CEP290: variants seen among roughly 807,000 people sequenced by gnomAD.
The protein encoded by CEP290 is centrosomal protein 290.
In CEP290, 317 loss-of-function variants were observed where a neutral mutation model predicts 344.9. The observed-to-expected ratio is 0.92, with a 90% CI of 0.84 to 1.01. The LOEUF (loss-of-function observed/expected upper bound fraction) is 1.01. CEP290 is among the 50% of genes least tolerant of loss of function. CEP290 has a pLI of 0.00. For synonymous variants in CEP290, 932 were observed against 895.8 expected, an observed-to-expected ratio of 1.04 and a Z score of -0.72; for missense variants, 2,754 against 2,761.4, an observed-to-expected ratio of 1.00 and a Z score of 0.06.
chr12:88,064,589 AC>A, intron 44 of CEP290, among the ~76,000 whole-genome samples: 1 of 152,226 alleles, frequency 6.6e-6, no homozygotes. Flanking sequence ...TTCAGGGTAA[AC>A]CCTATTCGAC....
chr12:88,140,832 T>C (rs778514936), intron 3 of CEP290, 124 bp downstream of exon 3: 5 of 614,282 alleles, frequency 8.1e-6, no homozygotes, highest in South Asian at 4.3e-5. Flanking sequence ...TTTAAATATA[T>C]TGCATTTTTT....
rs1171101171 is a variant in CEP290 at position 88,139,876 on chromosome 12, ATGCCATCATGCTTGGCG to A, written c.181-329_181-313del. Among the ~76,000 whole-genome samples the A allele has an allele frequency of 1.8e-4, 27 of 152,100 alleles. No individual in the cohort carries two copies. The South Asian group carries it at 3.3e-3, about 19-fold the overall frequency. On this transcript the variant is annotated intron_variant, in intron 3 of 53. Transcript: ENST00000552810. ...CCTGAGTAGCTGGGACTACAGGTGC[ATGCCATCATGCTTGGCG>A]TGCCATCATGCTTGGTGTGCCATCA... is the stretch of plus-strand genomic sequence containing the variant.
At chr12:88,080,488 A>G in intron 37 of CEP290, 93 bp from the exon 38 acceptor site, 1 of 897,636 alleles carries the variant, frequency 1.1e-6, no homozygotes, top group Non-Finnish European at 1.7e-6. Context: ...GGAGTGCAGC[A>G]GCGCAATCTC....
intron 23 of CEP290, 140 bp downstream of exon 23, chr12:88,108,926 G>A (rs1457301781): frequency 2.2e-6 from 1 of 452,376 alleles, no homozygotes; most frequent in Admixed American, 4.7e-5. Context: ...GTTCCTAACA[G>A]TAGTTACCAG....
intron 23 of CEP290, among the ~76,000 whole-genome samples, chr12:88,108,813 C>T (rs1171347500): frequency 6.6e-6 from 1 of 152,114 alleles, no homozygotes; most frequent in Non-Finnish European, 1.5e-5. Context: ...GGTAAGATGA[C>T]TTGCTCAAGC....
At position 88,141,302 on chromosome 12, in the gene CEP290, T is replaced by C; in HGVS notation, c.6A>G (p.Pro2=). 1 of 1,609,696 alleles carries C rather than the reference T, an allele frequency of 6.2e-7. No individual in the cohort carries two copies. Among genetic ancestry groups the C allele is most frequent in the Non-Finnish European group, 8.5e-7 (1 of 1,177,824 alleles). The part of the protein sequence containing the change: M[P]PNINWKEIMK... ...TTATTTCTTTCCAGTTTATATTAGGTGGCATCTTGAATTCTTTCACTGTGC... is the reference window on the plus strand; with the variant it reads ...TTATTTCTTTCCAGTTTATATTAGGCGGCATCTTGAATTCTTTCACTGTGC... The change falls in exon 2 of 54, where the codon CCA becomes CCG. Residue 2 remains proline (P), a synonymous_variant. Transcript: ENST00000552810.
intron 27 of CEP290, among the ~76,000 whole-genome samples, chr12:88,095,733 C>T (rs370839472): frequency 3.9e-5 from 6 of 152,054 alleles, no homozygotes; most frequent in Admixed American, 2.0e-4. Flanking sequence ...ATAGCTCTAA[C>T]GTCTAGGAAA....
Position 88,050,506 on chromosome 12 carries a change from C to T in CEP290, c.7130-73G>A, listed in dbSNP as rs114725040. 2.4e-3 allele frequency: 1,587 copies of T among 666,908 alleles called. 27 individuals carry two copies. In the African/African-American group the frequency reaches 0.027, roughly 11 times the overall value. The allele number at this position is 666,908 out of a possible 1,614,324, so 41.3% of individuals were successfully genotyped here. A position where few individuals can be genotyped will look rare whatever the true frequency, so the allele number is the denominator to read the frequency against. On this transcript the variant is annotated intron_variant, in intron 52 of 53. Transcript: ENST00000552810. ...ATGAGTTCAAGGTAATGGATTTGTT[C>T]TAGAGAACAGAGATACATTTTATGA... is the stretch of plus-strand genomic sequence containing the variant.
Position 88,117,053 on chromosome 12 carries a change from T to A in CEP290, c.1804A>T (p.Met602Leu). Residue 602 changes from methionine (M) to leucine (L), a missense_variant, in exon 18 of 54, where the codon ATG (methionine) becomes TTG (leucine). Coordinates refer to ENST00000552810, the MANE Select transcript of CEP290 (RefSeq NM_025114.4). ...RKLDLLSLKNMSEAQSKNEFL... is the reference protein window; with the variant it reads ...RKLDLLSLKNLSEAQSKNEFL... ...ATTACCTTTGATTGTGCTTCACTCA[T>A]ATTTTTGAGGCTCAATAAATCCAAT... 6.6e-7 allele frequency: 1 copy of A among 1,513,556 alleles called. No individual in the cohort carries two copies. The highest frequency in any genetic ancestry group is 1.2e-5 in the South Asian group (1 of 83,458). 93.8% of individuals were successfully genotyped at this position (1,513,556 alleles called of 1,614,324 possible).
chr12:88,051,194 C>CTT (rs11321423), intron 52 of CEP290, among the ~76,000 whole-genome samples: 18 of 86,428 alleles, frequency 2.1e-4, no homozygotes, highest in African/African-American at 5.1e-4. Flanking sequence ...GGACAAGTAT[C>CTT]TTTTTTTTTT....
chr12:88,049,608 CCAGTT>C (rs1373744364), intron 53 of CEP290, 194 bp from the exon 54 acceptor site: 13 of 460,848 alleles, frequency 2.8e-5, no homozygotes, highest in Admixed American at 4.2e-5. Context: ...ACTGTCAAGT[CCAGTT>C]ATGTATTCTG....
In CEP290 at chr12:88,087,919, T is replaced by G. The variant is rs2137251267; in HGVS notation, c.4055A>C (p.Glu1352Ala). 3 of 1,192,402 alleles carry G rather than the reference T, an allele frequency of 2.5e-6. No homozygotes were observed. The highest frequency in any genetic ancestry group is 3.2e-6 in the Non-Finnish European group (3 of 930,802). The allele number at this position is 1,192,402 out of a possible 1,614,324, so 73.9% of individuals were successfully genotyped here. A position where few individuals can be genotyped will look rare whatever the true frequency, so the allele number is the denominator to read the frequency against. ...TTTAAGTTCTTGAAGACGAAGTTCT[T>G]CTATTTTCATATGCCAGTTGATTAC... ...QKVINWHMKI[E>A]ELRLQELKLN... Residue 1352 changes from glutamate (E) to alanine (A), a missense_variant, in exon 32 of 54, where the codon GAA (glutamate) becomes GCA (alanine). Physicochemically the swap from Glu to Ala is moderately radical, Grantham distance 107. Coordinates refer to ENST00000552810, the MANE Select transcript of CEP290 (RefSeq NM_025114.4).
chr12:88,116,558 CATT>C (rs2039048380), intron 18 of CEP290, among the ~76,000 whole-genome samples: 1 of 152,162 alleles, frequency 6.6e-6, no homozygotes, highest in East Asian at 1.9e-4. Context: ...AATAATGTCT[CATT>C]AATCAATCTT....
intron 43 of CEP290, among the ~76,000 whole-genome samples, 159 bp from the exon 44 acceptor site, chr12:88,068,804 G>C (rs1166061513): frequency 1.3e-5 from 2 of 151,848 alleles, no homozygotes. Flanking sequence ...AATAAATTAG[G>C]ATATCAAAAT....
Position 88,049,398 on chromosome 12 carries a change from A to T in CEP290, c.7226T>A (p.Leu2409Gln). 1 of 1,486,376 alleles carries T rather than the reference A, an allele frequency of 6.7e-7. No individual in the cohort carries two copies. Among genetic ancestry groups the T allele is most frequent in the Non-Finnish European group, 9.2e-7 (1 of 1,084,766 alleles). 92.1% of individuals were successfully genotyped at this position (1,486,376 alleles called of 1,614,324 possible). A position where few individuals can be genotyped will look rare whatever the true frequency, so the allele number is the denominator to read the frequency against. ...KQHLKEEIKK[L>Q]KKELENFDPS... Reference sequence around the variant, plus strand: ...ATCAAAATTTTCCAGTTCTTTTTTCAGCTTCTTTATTTCCTCCTAATGGAA... The same window carrying T: ...ATCAAAATTTTCCAGTTCTTTTTTCTGCTTCTTTATTTCCTCCTAATGGAA... Residue 2409 changes from leucine to glutamine, a missense_variant, in exon 54 of 54, where the codon CTG becomes CAG. By Grantham distance (113) the Leu-to-Gln change is moderately radical. Transcript: ENST00000552810.
chr12:88,115,568 A>C (rs947593917), intron 18 of CEP290: 1 of 1,287,528 alleles, frequency 7.8e-7, no homozygotes, highest in African/African-American at 1.5e-5. Flanking sequence ...CTATGATTTC[A>C]TTCTAAAGAA....
chr12:88,096,806 T>C (rs2137421734), intron 27 of CEP290, 82 bp downstream of exon 27: 1 of 703,410 alleles, frequency 1.4e-6, no homozygotes, highest in South Asian at 2.1e-5. Context: ...CCTTTTAATC[T>C]AGCATAAAAA....
At chr12:88,075,927 A>G (rs1166717270) in intron 41 of CEP290, among the ~76,000 whole-genome samples, 1 of 152,182 alleles carries the variant, frequency 6.6e-6, no homozygotes, top group Non-Finnish European at 1.5e-5. Flanking sequence ...GAAACTGGCA[A>G]TACAGATAGT....
At chr12:88,052,840 C>A (rs1245254451) in intron 52 of CEP290, among the ~76,000 whole-genome samples, 1 of 152,116 alleles carries the variant, frequency 6.6e-6, no homozygotes, top group African/African-American at 2.4e-5. Context: ...ATCCCTTCCA[C>A]CAGGCCCCAG....
Sources: allele counts gnomAD v4.1 joint callset (sites outside exome capture counted in the v4.1 genomes callset), GRCh38; gene constraint gnomAD v4.1.1; transcripts MANE v1.5; gene names NCBI Gene and HGNC (gene_info 2026-07-23, HGNC 2026-07-21).